UTP6: variants seen among roughly 807,000 people sequenced by gnomAD.
The protein encoded by UTP6 is U3 small nucleolar RNA-associated protein 6 homolog.
UTP6 carries 60 observed loss-of-function variants against 96.5 expected under a neutral mutation model. The observed-to-expected ratio is 0.62, with a 90% CI of 0.51 to 0.77. UTP6 has a LOEUF of 0.77. Among genes scored for constraint, UTP6 ranks in the 30% least tolerant of loss-of-function variants. UTP6 has a pLI of 0.00. For missense variants in UTP6, 637 were observed against 706.5 expected, an observed-to-expected ratio of 0.90 and a Z score of 1.12; for synonymous variants, 215 against 240.1, an observed-to-expected ratio of 0.90 and a Z score of 0.96.
chr17:31,900,022 T>C (rs1370223023), intron 1 of UTP6, among the ~76,000 whole-genome samples: 6 of 151,764 alleles, frequency 4.0e-5, no homozygotes, highest in Non-Finnish European at 7.4e-5. Context: ...TGCGTGCCTG[T>C]AGTCCCAGCT....
intron 9 of UTP6, among the ~76,000 whole-genome samples, chr17:31,885,324 T>C (rs1911087440): frequency 6.6e-6 from 1 of 151,580 alleles, no homozygotes; most frequent in Non-Finnish European, 1.5e-5. Context: ...TTTGTATTTT[T>C]AGTAGAAATG....
chr17:31,868,713 A>G (rs954666632), intron 16 of UTP6, among the ~76,000 whole-genome samples: 6 of 152,216 alleles, frequency 3.9e-5, no homozygotes, highest in Admixed American at 3.9e-4. Flanking sequence ...TTGGGAAATC[A>G]GTAATTCCAT....
chr17:31,878,199 C>T, intron 13 of UTP6, 51 bp downstream of exon 13: 1 of 1,579,592 alleles, frequency 6.3e-7, no homozygotes, highest in Non-Finnish European at 8.7e-7. Context: ...CACAAAACAA[C>T]TGGAATAAGG....
intron 17 of UTP6, among the ~76,000 whole-genome samples, chr17:31,867,274 G>A (rs931054112): frequency 6.6e-6 from 1 of 152,182 alleles, no homozygotes; most frequent in African/African-American, 2.4e-5. Context: ...TTGGGAGGCT[G>A]AGGGGGGCGG....
chr17:31,877,253 T>A (rs1910549396), intron 13 of UTP6, among the ~76,000 whole-genome samples: 1 of 152,148 alleles, frequency 6.6e-6, no homozygotes, highest in Non-Finnish European at 1.5e-5. Context: ...TTTTACCTGT[T>A]CAAAATGCTT....
chr17:31,897,219 G>A (rs1023955591), intron 2 of UTP6, among the ~76,000 whole-genome samples: 1 of 151,848 alleles, frequency 6.6e-6, no homozygotes, highest in African/African-American at 2.4e-5. Flanking sequence ...CTAGAAGTTC[G>A]AGGCTGCAAT....
chr17:31,869,758 T>C (rs1023532260), intron 16 of UTP6, among the ~76,000 whole-genome samples: 2 of 152,230 alleles, frequency 1.3e-5, no homozygotes, highest in Non-Finnish European at 2.9e-5. Flanking sequence ...TGGGATAGAC[T>C]GACCCTGTTA....
rs540917475 is a variant in UTP6, at chr17:31,889,881, G to A, written c.425-478C>T. Among the ~76,000 whole-genome samples, 11 of 152,228 alleles carry A rather than the reference G, an allele frequency of 7.2e-5. No individual in the cohort carries two copies. In the East Asian group the frequency reaches 1.4e-3, roughly 19 times the overall value. ...GTTTCTAACTGCAAAGCTTGGCTACGTTATCTAAAATTAGAAACAGTATTC... is the reference window on the plus strand; with the variant it reads ...GTTTCTAACTGCAAAGCTTGGCTACATTATCTAAAATTAGAAACAGTATTC... On this transcript the variant is annotated intron_variant, in intron 6 of 18. Coordinates refer to ENST00000261708, the MANE Select transcript of UTP6 (RefSeq NM_018428.3).
chr17:31,874,670 G>A lies in UTP6; in HGVS notation c.1305+564C>T, dbSNP rs556603691. 2.2e-3 allele frequency among the ~76,000 whole-genome samples: 328 copies of A among 151,856 alleles called. 2 individuals are homozygous for A. Among genetic ancestry groups the A allele is most frequent in the African/African-American group, 7.4e-3 (305 of 41,444 alleles). On this transcript the variant is annotated intron_variant, in intron 14 of 18. Transcript: ENST00000261708. ...AATCTGGCCATACACCGTGGCTCAC[G>A]CCTGTAATCTCAGCACTTTGGGAGG...
At chr17:31,881,568 G>A (rs1319783409) in intron 10 of UTP6, among the ~76,000 whole-genome samples, 3 of 152,094 alleles carry the variant, frequency 2.0e-5, no homozygotes, top group Non-Finnish European at 4.4e-5. Flanking sequence ...CACTGCACCT[G>A]GCCAGAGCTG....
In UTP6 at chr17:31,869,488, T is replaced by A. The variant is rs145090817; in HGVS notation, c.1497-1376A>T. 4.6e-3 allele frequency among the ~76,000 whole-genome samples: 702 copies of A among 151,986 alleles called. 2 individuals carry two copies. Among genetic ancestry groups the A allele is most frequent in the African/African-American group, 0.016 (666 of 41,468 alleles). Reference sequence around the variant, plus strand: ...GCCACCACGCCTGGCCTCTTTATTTTTTTTTTTATTTTTTGAGACAGGCTC... The same window carrying A: ...GCCACCACGCCTGGCCTCTTTATTTATTTTTTTATTTTTTGAGACAGGCTC... On this transcript the variant is annotated intron_variant, in intron 16 of 18. Transcript: ENST00000261708.
At chr17:31,876,712 G>A (rs1910522133) in intron 13 of UTP6, among the ~76,000 whole-genome samples, 1 of 149,266 alleles carries the variant, frequency 6.7e-6, no homozygotes, top group Non-Finnish European at 1.5e-5. Context: ...CCAAACAGAG[G>A]ATGAAAATTA....
chr17:31,873,707 G>C lies in UTP6; in HGVS notation c.1352C>G (p.Ala451Gly). 2.5e-6 allele frequency: 4 copies of C among 1,612,848 alleles called. No homozygotes were observed. Among genetic ancestry groups the C allele is most frequent in the Middle Eastern group, 1.6e-4 (1 of 6,062 alleles). The change falls in exon 15 of 19, where the codon GCC becomes GGC. Residue 451 changes from alanine to glycine, a missense_variant. Transcript: ENST00000261708. ...WISWAEWSEG[A>G]KSQEDTEAVF... ...TGCCTCAGTGTCTTCTTGGCTTTTG[G>C]CACCTTCACTCCACTCTGCCCAGGA...
At chr17:31,896,380 T>C (rs889388707) in intron 2 of UTP6, among the ~76,000 whole-genome samples, 1 of 152,120 alleles carries the variant, frequency 6.6e-6, no homozygotes, top group African/African-American at 2.4e-5. Context: ...GCTCGGCCCC[T>C]ACACCTTGTT....
At chr17:31,896,109 GCT>G (rs1904625223) in intron 2 of UTP6, among the ~76,000 whole-genome samples, 1 of 149,788 alleles carries the variant, frequency 6.7e-6, no homozygotes, top group Non-Finnish European at 1.5e-5. Context: ...ATGGAGTCTC[GCT>G]CTGTCGCCCA....
chr17:31,866,717 T>TAAAAAAA (rs61684764), intron 17 of UTP6: 2 of 109,242 alleles, frequency 1.8e-5, no homozygotes, highest in Non-Finnish European at 3.5e-5. Flanking sequence ...AGACTCCGTC[T>TAAAAAAA]AAAAAAAAAA....
At chr17:31,867,915 C>T (rs904437704) in intron 17 of UTP6, 131 bp downstream of exon 17, 34 of 740,734 alleles carry the variant, frequency 4.6e-5, no homozygotes, top group Admixed American at 8.7e-5. Context: ...CAAGATCACG[C>T]CACTGCACTC....
In UTP6 at chr17:31,896,116, C is replaced by A. The variant is rs558105035; in HGVS notation, c.178-1105G>T. ...TTTTTGAGATGGAGTCTCGCTCTGT[C>A]GCCCAGGCTGAAGTGCAGTGGCGCA... On this transcript the variant is annotated intron_variant, in intron 2 of 18. Coordinates refer to ENST00000261708, the MANE Select transcript of UTP6 (RefSeq NM_018428.3). Among the ~76,000 whole-genome samples, 8 of 151,470 alleles carry A rather than the reference C, an allele frequency of 5.3e-5. No individual in the cohort carries two copies. In the East Asian group the frequency reaches 1.6e-3, roughly 30 times the overall value.
intron 17 of UTP6, among the ~76,000 whole-genome samples, chr17:31,867,365 G>C (rs1909885438): frequency 6.6e-6 from 1 of 151,788 alleles, no homozygotes; most frequent in African/African-American, 2.4e-5. Context: ...GAAATTAGCA[G>C]GGCGTGGCAG....
Sources: allele counts gnomAD v4.1 joint callset (sites outside exome capture counted in the v4.1 genomes callset), GRCh38; gene constraint gnomAD v4.1.1; transcripts MANE v1.5; gene names NCBI Gene and HGNC (gene_info 2026-07-23, HGNC 2026-07-21).